Variants in DACH2 observed in about 807,000 individuals in gnomAD.
DACH2 encodes the protein dachshund family transcription factor 2, also known as dachshund homolog 2.
DACH2 carries 17 observed loss-of-function variants against 35.8 expected under a neutral mutation model. The ratio of observed to expected loss-of-function variants is 0.48; its 90% CI spans 0.33 to 0.71. DACH2 has a LOEUF of 0.71. Among genes scored for constraint, DACH2 ranks in the 30% least tolerant of loss-of-function variants. The pLI is 0.02. For synonymous variants in DACH2, 195 were observed against 177.3 expected (o/e 1.10, Z -0.79); for missense variants, 469 against 472.7 (o/e 0.99, Z 0.07).
intron 7 of DACH2, among the ~76,000 whole-genome samples, chrX:86,762,315 T>C: frequency 9.0e-6 from 1 of 111,619 alleles, no homozygotes; most frequent in East Asian, 2.8e-4. Context: ...TGAAAGACCT[T>C]ATTATCTCTA....
intron 3 of DACH2, among the ~76,000 whole-genome samples, chrX:86,533,567 A>G (rs2038754721): frequency 8.9e-6 from 1 of 112,066 alleles, no homozygotes; most frequent in African/African-American, 3.2e-5. Flanking sequence ...AAGGTAAGCA[A>G]AAGCTTATTA....
intron 1 of DACH2, among the ~76,000 whole-genome samples, chrX:86,329,710 G>T (rs2035178075): frequency 9.0e-6 from 1 of 111,451 alleles, no homozygotes; most frequent in Admixed American, 9.6e-5. Flanking sequence ...CAGTCTTCTG[G>T]GACAACAGAA....
intron 1 of DACH2, among the ~76,000 whole-genome samples, chrX:86,198,057 A>G (rs1451748818): frequency 8.9e-6 from 1 of 112,020 alleles, no homozygotes; most frequent in Non-Finnish European, 1.9e-5. Context: ...AAATCACAAC[A>G]AACAATCTCT....
chrX:86,453,337 C>T (rs1569406323), intron 2 of DACH2, among the ~76,000 whole-genome samples: 1 of 111,943 alleles, frequency 8.9e-6, no homozygotes, highest in East Asian at 2.8e-4. Context: ...TCCACTTCAT[C>T]CAGAGCTGAG....
In DACH2 at chrX:86,488,521, G is replaced by A. The variant is rs780286474; in HGVS notation, c.528-25758G>A. 8.1e-5 allele frequency among the ~76,000 whole-genome samples: 9 copies of A among 110,832 alleles called. No individual in the cohort carries two copies. In the South Asian group the frequency reaches 3.4e-3, roughly 42 times the overall value. On this transcript the variant is annotated intron_variant, in intron 2 of 11. Coordinates refer to ENST00000373125, the MANE Select transcript of DACH2 (RefSeq NM_053281.3). ...CAGTTCCCCAGAGTAATAGCGTTAC[G>A]ACTTGGCCAAGTCATTTATACCCCT...
At chrX:86,493,376 C>A (rs1204376471) in intron 2 of DACH2, among the ~76,000 whole-genome samples, 1 of 111,340 alleles carries the variant, frequency 9.0e-6, no homozygotes, top group Non-Finnish European at 1.9e-5. Flanking sequence ...TTAAGAAAAA[C>A]AAAATACCAT....
intron 5 of DACH2, 93 bp from the exon 6 acceptor site, chrX:86,714,455 T>C: frequency 1.2e-6 from 1 of 811,081 alleles, no homozygotes; most frequent in Non-Finnish European, 1.7e-6. Context: ...AAATTGTTTT[T>C]ATAAGAAAAC....
chrX:86,697,855 G>T (rs1032523359), intron 5 of DACH2, among the ~76,000 whole-genome samples: 32 of 111,226 alleles, frequency 2.9e-4, no homozygotes, highest in Non-Finnish European at 5.7e-5. Context: ...TAAAATAACA[G>T]AATAGACTAA....
At chrX:86,413,884 C>T (rs2036656902) in intron 2 of DACH2, among the ~76,000 whole-genome samples, 1 of 111,279 alleles carries the variant, frequency 9.0e-6, no homozygotes, top group Non-Finnish European at 1.9e-5. Flanking sequence ...ATTATCTGAC[C>T]TCCATTAGCA....
chrX:86,773,165 A>G (rs2042002228), intron 7 of DACH2, among the ~76,000 whole-genome samples: 1 of 112,119 alleles, frequency 8.9e-6, no homozygotes, highest in Admixed American at 9.5e-5. Flanking sequence ...AGTAGAACCT[A>G]TTTAATGCTC....
chrX:86,505,906 T>C (rs868670933), intron 2 of DACH2, among the ~76,000 whole-genome samples: 1 of 112,042 alleles, frequency 8.9e-6, no homozygotes, highest in Admixed American at 9.5e-5. Context: ...ATCAAATTCA[T>C]AGATTATTAA....
At chrX:86,761,798 G>T (rs773473008) in intron 7 of DACH2, among the ~76,000 whole-genome samples, 1 of 110,510 alleles carries the variant, frequency 9.0e-6, no homozygotes, top group Non-Finnish European at 1.9e-5. Flanking sequence ...TTGAGCCCCA[G>T]TGTTGGCAGG....
chrX:86,623,981 G>C (rs926189870), intron 3 of DACH2, among the ~76,000 whole-genome samples: 5 of 95,894 alleles, frequency 5.2e-5, no homozygotes, highest in Non-Finnish European at 8.2e-5. Context: ...CCGGGAGGCG[G>C]AGCTTGCAGT....
intron 3 of DACH2, among the ~76,000 whole-genome samples, chrX:86,527,200 A>G (rs771814578): frequency 2.7e-5 from 3 of 111,755 alleles, no homozygotes; most frequent in East Asian, 5.6e-4. Context: ...TCTTTAAAAA[A>G]GGTTTTACTG....
intron 3 of DACH2, among the ~76,000 whole-genome samples, chrX:86,568,349 G>T (rs1055790993): frequency 9.0e-6 from 1 of 111,248 alleles, no homozygotes; most frequent in African/African-American, 3.3e-5. Context: ...CCACTCTGGT[G>T]TGAGTGACTG....
intron 1 of DACH2, among the ~76,000 whole-genome samples, chrX:86,178,343 T>C (rs1319749397): frequency 2.7e-5 from 3 of 111,398 alleles, no homozygotes; most frequent in African/African-American, 9.7e-5. Context: ...ATTGTTAGGA[T>C]TTAAAGTGTT....
chrX:86,173,227 A>C (rs1356684920), intron 1 of DACH2, among the ~76,000 whole-genome samples: 2 of 112,170 alleles, frequency 1.8e-5, no homozygotes, highest in African/African-American at 3.2e-5. Flanking sequence ...CTTGGGATAC[A>C]TCTATTAAAA....
At chrX:86,682,322 A>T (rs1166937872) in intron 4 of DACH2, among the ~76,000 whole-genome samples, 3 of 112,105 alleles carry the variant, frequency 2.7e-5, no homozygotes, top group Non-Finnish European at 5.6e-5. Flanking sequence ...ATAGTGATTT[A>T]GTGTGTGTGT....
At chrX:86,695,528 T>A (rs2041057738) in intron 5 of DACH2, among the ~76,000 whole-genome samples, 1 of 103,191 alleles carries the variant, frequency 9.7e-6, no homozygotes, top group African/African-American at 3.5e-5. Flanking sequence ...TTTTTTTTTT[T>A]AAATGGAGTT....
Sources: gnomAD v4.1 joint callset for allele counts (sites outside exome capture counted in the v4.1 genomes callset) on GRCh38, gnomAD v4.1.1 for gene constraint, MANE v1.5 for transcripts, NCBI Gene and HGNC (gene_info 2026-07-23, HGNC 2026-07-21) for gene names.